Variants in ST3GAL3 observed in about 807,000 individuals in gnomAD.
ST3GAL3 encodes the protein CMP-N-acetylneuraminate-beta-1,4-galactoside alpha-2,3-sialyltransferase.
In ST3GAL3, 21 loss-of-function variants were observed where a neutral mutation model predicts 50.1. The observed-to-expected ratio is 0.42, with a 90% CI of 0.30 to 0.60. ST3GAL3 has a LOEUF of 0.60. Among genes scored for constraint, ST3GAL3 ranks in the 20% least tolerant of loss-of-function variants. The pLI is 0.19. For missense variants in ST3GAL3, 353 were observed against 489.4 expected (o/e 0.72, Z 2.63); for synonymous variants, 183 against 190.0 (o/e 0.96, Z 0.30).
At chr1:43,796,495 C>A (rs2058695860) in intron 3 of ST3GAL3, among the ~76,000 whole-genome samples, 1 of 152,180 alleles carries the variant, frequency 6.6e-6, no homozygotes, top group Non-Finnish European at 1.5e-5. Flanking sequence ...CTGCCCAAGT[C>A]CCAGACTGGA....
At chr1:43,773,246 G>A (rs1312120750) in intron 2 of ST3GAL3, among the ~76,000 whole-genome samples, 1 of 152,098 alleles carries the variant, frequency 6.6e-6, no homozygotes, top group African/African-American at 2.4e-5. Context: ...CGTGATTTTG[G>A]CTCCTGATTG....
intron 9 of ST3GAL3, among the ~76,000 whole-genome samples, chr1:43,905,142 C>T (rs1437157552): frequency 2.0e-4 from 26 of 129,098 alleles, no homozygotes; most frequent in African/African-American, 6.1e-4. Context: ...CCTCCTCCTG[C>T]TCCTCTTCCC....
chr1:43,787,330 C>A (rs896145074), intron 2 of ST3GAL3, among the ~76,000 whole-genome samples: 1 of 152,220 alleles, frequency 6.6e-6, no homozygotes, highest in Non-Finnish European at 1.5e-5. Context: ...CTGTTCCTTG[C>A]AAAGCAAACT....
In ST3GAL3 at chr1:43,765,816, T is replaced by C. The variant is rs74070679; in HGVS notation, c.119-26286T>C. Among the ~76,000 whole-genome samples the C allele has an allele frequency of 7.7e-3, 1,117 of 144,410 alleles. 22 individuals carry two copies. The highest frequency in any genetic ancestry group is 0.03 in the African/African-American group (1,052 of 35,596). The allele number at this position is 144,410 out of a possible 152,430, so 94.7% of individuals were successfully genotyped here. A position where few individuals can be genotyped will look rare whatever the true frequency, so the allele number is the denominator to read the frequency against. On this transcript the variant is annotated intron_variant, in intron 2 of 11. Coordinates refer to ENST00000347631, the MANE Select transcript of ST3GAL3 (RefSeq NM_006279.5). Reference sequence around the variant, plus strand: ...GCGCGCGCGCGTCCGCGCGTCCGCGTGCGCTTTTTTTTTAGTGGTATAGGA... The same window carrying C: ...GCGCGCGCGCGTCCGCGCGTCCGCGCGCGCTTTTTTTTTAGTGGTATAGGA...
At chr1:43,733,312 T>G (rs1353408472) in intron 1 of ST3GAL3, among the ~76,000 whole-genome samples, 2 of 152,190 alleles carry the variant, frequency 1.3e-5, no homozygotes, top group African/African-American at 4.8e-5. Flanking sequence ...AATTCAGAAG[T>G]GTACAAAGGG....
chr1:43,775,593 T>G (rs1696907961), intron 2 of ST3GAL3, among the ~76,000 whole-genome samples: 1 of 152,216 alleles, frequency 6.6e-6, no homozygotes, highest in Non-Finnish European at 1.5e-5. Flanking sequence ...TTCAGACATT[T>G]GCAAACACTT....
chr1:43,869,670 C>T (rs1178558462), intron 5 of ST3GAL3, among the ~76,000 whole-genome samples: 6 of 152,120 alleles, frequency 3.9e-5, no homozygotes, highest in Non-Finnish European at 5.9e-5. Context: ...CCACTCAGCA[C>T]GTATGATGGA....
chr1:43,909,901 A>G (rs930005678), intron 9 of ST3GAL3, among the ~76,000 whole-genome samples: 1 of 152,362 alleles, frequency 6.6e-6, no homozygotes, highest in African/African-American at 2.4e-5. Flanking sequence ...CCTAGCAGTC[A>G]GAGAAATTAA....
At chr1:43,870,740 G>A (rs1457283048) in intron 5 of ST3GAL3, among the ~76,000 whole-genome samples, 1 of 152,124 alleles carries the variant, frequency 6.6e-6, no homozygotes, top group Non-Finnish European at 1.5e-5. Context: ...ATGGGAAGAC[G>A]ATAGGCTTGA....
chr1:43,836,289 T>G (rs1362701837), intron 4 of ST3GAL3, among the ~76,000 whole-genome samples: 1 of 152,270 alleles, frequency 6.6e-6, no homozygotes, highest in Non-Finnish European at 1.5e-5. Context: ...CTTTTGGCTT[T>G]CTTTTGCCTA....
At chr1:43,787,506 C>G (rs1217926628) in intron 2 of ST3GAL3, among the ~76,000 whole-genome samples, 1 of 152,252 alleles carries the variant, frequency 6.6e-6, no homozygotes, top group African/African-American at 2.4e-5. Context: ...TTAATGCTCA[C>G]AGCAGATTTC....
At chr1:43,718,443 CCT>C (rs1278504041) in intron 1 of ST3GAL3, among the ~76,000 whole-genome samples, 1 of 151,862 alleles carries the variant, frequency 6.6e-6, no homozygotes, top group East Asian at 2.0e-4. Context: ...CCCGCCTCGG[CCT>C]CTCAAAGTGC....
chr1:43,747,189 C>G (rs1476951277), intron 2 of ST3GAL3, among the ~76,000 whole-genome samples: 2 of 152,156 alleles, frequency 1.3e-5, no homozygotes, highest in Non-Finnish European at 2.9e-5. Context: ...GCGGGCAGAT[C>G]ACCAGGTCAG....
intron 2 of ST3GAL3, among the ~76,000 whole-genome samples, chr1:43,789,853 G>T (rs72886851): frequency 0.051 from 7,540 of 148,190 alleles, 615 homozygotes; most frequent in African/African-American, 0.18. Context: ...CAGCCCAGGG[G>T]ACAGGGCAAG....
At chr1:43,754,563 G>A (rs546629041) in intron 2 of ST3GAL3, among the ~76,000 whole-genome samples, 1 of 152,290 alleles carries the variant, frequency 6.6e-6, no homozygotes, top group Non-Finnish European at 1.5e-5. Context: ...ATACAGGCTC[G>A]TTGGATGAAG....
At chr1:43,839,234 T>C (rs776475875) in intron 5 of ST3GAL3, 12 of 152,304 alleles carry the variant, frequency 7.9e-5, no homozygotes, top group Non-Finnish European at 1.2e-4. Flanking sequence ...CTTAGCTCCT[T>C]GTGTAAAGCA....
At chr1:43,715,525 G>A (rs960306081) in intron 1 of ST3GAL3, among the ~76,000 whole-genome samples, 2 of 151,422 alleles carry the variant, frequency 1.3e-5, no homozygotes, top group Admixed American at 6.6e-5. Flanking sequence ...GCAGTGAGCC[G>A]AGATCATGCC....
intron 4 of ST3GAL3, among the ~76,000 whole-genome samples, chr1:43,816,498 A>G (rs909115662): frequency 6.6e-6 from 1 of 152,220 alleles, no homozygotes; most frequent in African/African-American, 2.4e-5. Flanking sequence ...TCCTTAATTT[A>G]GTACTCTGGA....
intron 6 of ST3GAL3, 111 bp from the exon 7 acceptor site, chr1:43,898,123 TC>T (rs2077657372): frequency 2.6e-6 from 3 of 1,160,314 alleles, no homozygotes; most frequent in Non-Finnish European, 3.8e-6. Flanking sequence ...TCTCTCCACT[TC>T]CACTTTCACT....
Sources: allele counts gnomAD v4.1 joint callset (sites outside exome capture counted in the v4.1 genomes callset), GRCh38; gene constraint gnomAD v4.1.1; transcripts MANE v1.5; gene names NCBI Gene and HGNC (gene_info 2026-07-23, HGNC 2026-07-21).